Variants in SH3D19 observed in about 807,000 individuals in gnomAD.
SH3D19 encodes the protein SH3 domain containing 19.
In SH3D19, 58 loss-of-function variants were observed where a neutral mutation model predicts 112.1. That is an observed-to-expected ratio of 0.52 (90% CI 0.42 to 0.64). The LOEUF (loss-of-function observed/expected upper bound fraction) is 0.64. Among genes scored for constraint, SH3D19 ranks in the 30% least tolerant of loss-of-function variants. The pLI is 0.00. For synonymous variants in SH3D19, 391 were observed against 448.5 expected (o/e 0.87, Z 1.62); for missense variants, 1,090 against 1,263.4 (o/e 0.86, Z 2.08).
intron 2 of SH3D19, among the ~76,000 whole-genome samples, chr4:151,200,979 A>G (rs1042551432): frequency 1.3e-5 from 2 of 152,252 alleles, no homozygotes; most frequent in Admixed American, 6.5e-5. Flanking sequence ...CAGGCCCCAG[A>G]TGTTAACAAT....
At chr4:151,133,861 C>A (rs1430931638) in intron 15 of SH3D19, among the ~76,000 whole-genome samples, 2 of 152,178 alleles carry the variant, frequency 1.3e-5, no homozygotes, top group South Asian at 4.1e-4. Flanking sequence ...TTGGAACAAT[C>A]CTTACATGAT....
At chr4:151,279,328 G>T in intron 1 of SH3D19, 1 of 183,624 alleles carries the variant, frequency 5.4e-6, no homozygotes, top group Non-Finnish European at 1.1e-5. Flanking sequence ...AGGATTACAG[G>T]CATGAGCCAC....
chr4:151,276,164 A>G (rs1431948759), intron 1 of SH3D19, among the ~76,000 whole-genome samples: 2 of 152,090 alleles, frequency 1.3e-5, no homozygotes, highest in Non-Finnish European at 2.9e-5. Context: ...AACTGCTTAT[A>G]TGTTTCTTTC....
chr4:151,253,498 C>A (rs868032799), intron 1 of SH3D19, among the ~76,000 whole-genome samples: 1 of 152,218 alleles, frequency 6.6e-6, no homozygotes, highest in African/African-American at 2.4e-5. Flanking sequence ...CCCAGCACTT[C>A]GGGAGGCCTA....
intron 1 of SH3D19, among the ~76,000 whole-genome samples, chr4:151,232,953 C>CCAGT (rs1769730412): frequency 6.6e-6 from 1 of 152,180 alleles, no homozygotes; most frequent in Non-Finnish European, 1.5e-5. Context: ...TGGACCAGTA[C>CCAGT]CAGTCTATGG....
At chr4:151,242,290 C>T (rs986804381) in intron 1 of SH3D19, among the ~76,000 whole-genome samples, 2 of 152,202 alleles carry the variant, frequency 1.3e-5, no homozygotes, top group African/African-American at 2.4e-5. Flanking sequence ...GCTTGGCCAA[C>T]AAGATCTATG....
At chr4:151,172,533 T>G (rs780970668) in intron 7 of SH3D19, among the ~76,000 whole-genome samples, 37 of 152,280 alleles carry the variant, frequency 2.4e-4, no homozygotes, top group Non-Finnish European at 4.0e-4. Context: ...CAGCAGGAGT[T>G]GGTAACTAAT....
At chr4:151,185,014 T>G (rs1761525797) in intron 3 of SH3D19, among the ~76,000 whole-genome samples, 1 of 150,446 alleles carries the variant, frequency 6.6e-6, no homozygotes, top group Non-Finnish European at 1.5e-5. Context: ...TCTTCTCCTT[T>G]GACCTCTAAA....
chr4:151,273,922 G>T (rs1419216184), intron 1 of SH3D19, among the ~76,000 whole-genome samples: 1 of 152,098 alleles, frequency 6.6e-6, no homozygotes, highest in Non-Finnish European at 1.5e-5. Flanking sequence ...TTTCTTCAAT[G>T]AAACGAGCTG....
intron 2 of SH3D19, among the ~76,000 whole-genome samples, chr4:151,191,936 C>A (rs572293358): frequency 7.8e-6 from 1 of 127,694 alleles, no homozygotes. Context: ...TGAGCCACCA[C>A]ACCCAGCCCT....
intron 2 of SH3D19, among the ~76,000 whole-genome samples, chr4:151,224,337 C>A (rs978379586): frequency 1.3e-5 from 2 of 152,106 alleles, no homozygotes; most frequent in African/African-American, 4.8e-5. Context: ...TGATCTAGAG[C>A]TACCACTTTT....
At chr4:151,164,856 G>T (rs1231415737) in intron 8 of SH3D19, among the ~76,000 whole-genome samples, 1 of 152,152 alleles carries the variant, frequency 6.6e-6, no homozygotes, top group East Asian at 1.9e-4. Context: ...GGGATTACCG[G>T]CATCAACCAC....
chr4:151,136,459 T>C (rs1579696262), intron 14 of SH3D19, among the ~76,000 whole-genome samples: 4 of 152,322 alleles, frequency 2.6e-5, no homozygotes, highest in Admixed American at 2.6e-4. Flanking sequence ...GCCAAGCACT[T>C]AATATAATAT....
intron 1 of SH3D19, among the ~76,000 whole-genome samples, chr4:151,292,122 C>T (rs1044041968): frequency 6.6e-6 from 1 of 152,060 alleles, no homozygotes. Context: ...GGCAACACAG[C>T]CCCTGTCTCT....
intron 3 of SH3D19, among the ~76,000 whole-genome samples, chr4:151,180,406 T>C (rs971050057): frequency 2.3e-5 from 2 of 85,844 alleles, no homozygotes; most frequent in African/African-American, 5.3e-5. Flanking sequence ...GGGTCATTTT[T>C]TTTTCTTTTT....
At chr4:151,312,416 C>T (rs1015466216) in intron 1 of SH3D19, among the ~76,000 whole-genome samples, 1 of 152,134 alleles carries the variant, frequency 6.6e-6, no homozygotes, top group African/African-American at 2.4e-5. Context: ...GCAACTATTC[C>T]GGAAGTAATG....
intron 1 of SH3D19, among the ~76,000 whole-genome samples, chr4:151,284,515 T>C (rs1774551419): frequency 1.3e-5 from 2 of 152,250 alleles, no homozygotes; most frequent in South Asian, 2.1e-4. Context: ...ATCACAGTTA[T>C]AATAGTTGCT....
Position 151,237,151 on chromosome 4 carries a change from G to T in SH3D19, c.113-11065C>A, listed in dbSNP as rs190579149. 2.6e-5 allele frequency among the ~76,000 whole-genome samples: 4 copies of T among 152,234 alleles called. No individual in the cohort carries two copies. In the South Asian group the frequency reaches 6.2e-4, roughly 24 times the overall value. ...TCACTCCTGAAGCCAGCGAGACCAC[G>T]AACCCAGCGGAAGGAATGAACAACT... On this transcript the variant is annotated intron_variant, in intron 1 of 19. Coordinates refer to ENST00000604030, the MANE Select transcript of SH3D19 (RefSeq NM_001378122.1).
At chr4:151,194,311 G>T (rs889259338) in intron 2 of SH3D19, among the ~76,000 whole-genome samples, 3 of 151,834 alleles carry the variant, frequency 2.0e-5, no homozygotes, top group Non-Finnish European at 4.4e-5. Flanking sequence ...ACAGGCATGA[G>T]CCACCGCCCC....
Sources: allele counts gnomAD v4.1 joint callset (sites outside exome capture counted in the v4.1 genomes callset), GRCh38; gene constraint gnomAD v4.1.1; transcripts MANE v1.5; gene names NCBI Gene and HGNC (gene_info 2026-07-23, HGNC 2026-07-21).